Variants in NECTIN1 observed in about 807,000 individuals in gnomAD.
The protein encoded by NECTIN1 is nectin cell adhesion molecule 1.
A neutral mutation model predicts 48.0 loss-of-function variants in NECTIN1; 23 were observed. That is an observed-to-expected ratio of 0.48 (90% CI 0.34 to 0.68). The LOEUF is 0.68. Ranked by LOEUF, NECTIN1 falls within the 30% of genes least tolerant of loss-of-function variation. The pLI, the probability that NECTIN1 is intolerant of heterozygous loss-of-function variation, is 0.01. For missense variants in NECTIN1, 591 were observed against 709.9 expected, an observed-to-expected ratio of 0.83 and a Z score of 1.90; for synonymous variants, 270 against 288.9, an observed-to-expected ratio of 0.93 and a Z score of 0.66.
rs1864427775 is a variant in NECTIN1, at chr11:119,648,265, G to GTGGTGGTGGTGGTGGTGGTGGTGATGC, written c.1004-8254_1004-8253insGCATCACCACCACCACCACCACCACCA. Reference sequence around the variant, plus strand: ...AGTGGTGGTGATAGAGGTGGTAATAGTGGTGGTGGTGATGGTGGTGGTGAT... The same window carrying GTGGTGGTGGTGGTGGTGGTGGTGATGC: ...AGTGGTGGTGATAGAGGTGGTAATAGTGGTGGTGGTGGTGGTGGTGGTGATGCTGGTGGTGGTGATGGTGGTGGTGAT... On this transcript the variant is annotated intron_variant, in intron 5 of 7. Coordinates refer to the NECTIN1 transcript ENST00000341398. Among the ~76,000 whole-genome samples the GTGGTGGTGGTGGTGGTGGTGGTGATGC allele has an allele frequency of 1.0e-4, 3 of 28,764 alleles. 1 individual carries two copies. The East Asian group carries it at 4.3e-3, about 41-fold the overall frequency. The allele number at this position is 28,764 out of a possible 152,430, so 18.9% of individuals were successfully genotyped here.
At position 119,664,271 on chromosome 11, in the gene NECTIN1, T is replaced by A. The variant is rs1050477483; in HGVS notation, c.*476A>T. ...CTGCATCAGATTTCACTGGTGGGTGTTGGGTTCCCTCTAGCCGGGAGGAGG... is the reference window on the plus strand; with the variant it reads ...CTGCATCAGATTTCACTGGTGGGTGATGGGTTCCCTCTAGCCGGGAGGAGG... On this transcript the variant is annotated 3_prime_UTR_variant, in exon 6 of 6. Coordinates refer to ENST00000264025, the MANE Select transcript of NECTIN1 (RefSeq NM_002855.5). 2 of 995,544 alleles carry A rather than the reference T, an allele frequency of 2.0e-6. No individual in the cohort carries two copies. The highest frequency in any genetic ancestry group is 9.0e-5 in the South Asian group (2 of 22,130). The allele number at this position is 995,544 out of a possible 1,614,324, so 61.7% of individuals were successfully genotyped here. A position where few individuals can be genotyped will look rare whatever the true frequency, so the allele number is the denominator to read the frequency against.
intron 1 of NECTIN1, among the ~76,000 whole-genome samples, chr11:119,679,080 A>G (rs1865014737): frequency 6.6e-6 from 1 of 152,204 alleles, no homozygotes; most frequent in Non-Finnish European, 1.5e-5. Flanking sequence ...ATATTATCCC[A>G]TAAGCTGCTT....
chr11:119,670,644 CTTT>C (rs56350355), intron 5 of NECTIN1, among the ~76,000 whole-genome samples: 1 of 113,886 alleles, frequency 8.8e-6, no homozygotes, highest in African/African-American at 3.4e-5. Flanking sequence ...TTCCTAAGTC[CTTT>C]TTTTTTTTTT....
rs113047357 is a variant in NECTIN1 at position 119,672,179 on chromosome 11, T to TGGGATGGGAGTG, written c.1003+2979_1003+2980insCACTCCCATCCC. Among the ~76,000 whole-genome samples, 1,428 of 152,318 alleles carry TGGGATGGGAGTG rather than the reference T, an allele frequency of 9.4e-3. 25 individuals carry two copies. Among genetic ancestry groups the TGGGATGGGAGTG allele is most frequent in the African/African-American group, 0.03 (1,243 of 41,566 alleles). ...GAGTTGGGACAGACGCCCTGCACCCTGGGATGGACATCCTACACCCTGGCA... is the reference window on the plus strand; with the variant it reads ...GAGTTGGGACAGACGCCCTGCACCCTGGGATGGGAGTGGGGATGGACATCCTACACCCTGGCA... On this transcript the variant is annotated intron_variant, in intron 5 of 5. Transcript: ENST00000264025. The surrounding 1 kb of genome is among the most constrained non-coding windows in gnomAD (Gnocchi z 4.3).
intron 5 of NECTIN1, chr11:119,642,089 A>T (rs1229941181): frequency 6.6e-6 from 1 of 152,198 alleles, no homozygotes; most frequent in African/African-American, 2.4e-5. Context: ...CCAGCCCTGC[A>T]CAGTGCCTGG....
rs1334036164 is a variant in NECTIN1 at position 119,643,688 on chromosome 11, T to G, written c.1004-3676A>C. Among the ~76,000 whole-genome samples, 4 of 152,314 alleles carry G rather than the reference T, an allele frequency of 2.6e-5. No individual in the cohort carries two copies. The Middle Eastern group carries it at 0.014, about 518-fold the overall frequency. Reference sequence around the variant, plus strand: ...CTGGCCCCAGCCAGAACCCTGGCATTGAGCCCCCAGACACTCTCTGGTTAC... The same window carrying G: ...CTGGCCCCAGCCAGAACCCTGGCATGGAGCCCCCAGACACTCTCTGGTTAC... On this transcript the variant is annotated intron_variant, in intron 5 of 7. Transcript: ENST00000341398.
intron 5 of NECTIN1, among the ~76,000 whole-genome samples, chr11:119,668,334 C>T (rs113234927): frequency 1.6e-4 from 25 of 152,188 alleles, no homozygotes; most frequent in Admixed American, 3.9e-4. Context: ...TCACCCCACC[C>T]GCAGTCACCA....
intron 5 of NECTIN1, among the ~76,000 whole-genome samples, chr11:119,646,015 G>A (rs1431737907): frequency 2.6e-5 from 4 of 152,186 alleles, no homozygotes; most frequent in East Asian, 1.9e-4. Context: ...TGGGCTCTGC[G>A]CTGGAGCTGC....
chr11:119,644,741 G>A (rs568961939), intron 5 of NECTIN1, among the ~76,000 whole-genome samples: 73 of 152,336 alleles, frequency 4.8e-4, no homozygotes, highest in African/African-American at 1.7e-3. Flanking sequence ...ATTGTAGGCA[G>A]AGTGAGGAGG....
At chr11:119,645,859 G>C (rs1171113323) in intron 5 of NECTIN1, among the ~76,000 whole-genome samples, 1 of 152,190 alleles carries the variant, frequency 6.6e-6, no homozygotes, top group Middle Eastern at 3.2e-3. Flanking sequence ...AGGGTGGTGA[G>C]GGAACCCACC....
chr11:119,727,389 C>T lies in NECTIN1; in HGVS notation c.79+1086G>A, dbSNP rs1865926402. Among the ~76,000 whole-genome samples, 1 of 152,080 alleles carries T rather than the reference C, an allele frequency of 6.6e-6. No homozygotes were observed. Among genetic ancestry groups the T allele is most frequent in the Non-Finnish European group, 1.5e-5 (1 of 68,008 alleles). On this transcript the variant is annotated intron_variant, in intron 1 of 5. Transcript: ENST00000264025. This position sits in a 1 kb window ranked among gnomAD's most constrained non-coding sequence, Gnocchi z 4.1. ...ACCACGTGCTCCAGTCAAGATCCGC[C>T]CCCCTCCCCAAAATCCCATCTTGCT...
At chr11:119,668,646 T>C (rs912017762) in intron 5 of NECTIN1, among the ~76,000 whole-genome samples, 8 of 152,226 alleles carry the variant, frequency 5.3e-5, no homozygotes, top group Admixed American at 5.2e-4. Context: ...GTGATCTTTT[T>C]CTCTTTCGAA....
At chr11:119,687,648 C>T (rs1050671969) in intron 1 of NECTIN1, among the ~76,000 whole-genome samples, 1 of 151,986 alleles carries the variant, frequency 6.6e-6, no homozygotes, top group African/African-American at 2.4e-5. Context: ...GTGGGAGAGG[C>T]GGGGGGCTGC....
At chr11:119,640,324 C>T (rs775402353) in intron 5 of NECTIN1, 7 of 420,322 alleles carry the variant, frequency 1.7e-5, no homozygotes, top group Admixed American at 3.8e-5. Flanking sequence ...GTCCCCACCC[C>T]GTCATTCCAT....
chr11:119,669,607 A>G (rs1864834592), intron 5 of NECTIN1, among the ~76,000 whole-genome samples: 1 of 151,860 alleles, frequency 6.6e-6, no homozygotes, highest in Non-Finnish European at 1.5e-5. Context: ...GAAGTGTAAC[A>G]TATCTGCTCA....
intron 1 of NECTIN1, among the ~76,000 whole-genome samples, chr11:119,697,091 G>A (rs1440394763): frequency 1.3e-5 from 2 of 152,128 alleles, no homozygotes; most frequent in Non-Finnish European, 2.9e-5. Context: ...TCAGGGAAAG[G>A]CCCTCTCACC....
At chr11:119,671,005 C>T (rs901061482) in intron 5 of NECTIN1, among the ~76,000 whole-genome samples, 4 of 151,860 alleles carry the variant, frequency 2.6e-5, no homozygotes, top group South Asian at 2.1e-4. Flanking sequence ...CAAAGAACCC[C>T]GGTTATTTTG....
chr11:119,696,361 G>A (rs1865340273), intron 1 of NECTIN1, among the ~76,000 whole-genome samples: 1 of 152,200 alleles, frequency 6.6e-6, no homozygotes, highest in South Asian at 2.1e-4. Flanking sequence ...CTAGACTTCA[G>A]CATCGAAGAG....
chr11:119,688,312 A>AATC (rs779806588), intron 1 of NECTIN1, among the ~76,000 whole-genome samples: 1 of 152,144 alleles, frequency 6.6e-6, no homozygotes, highest in South Asian at 2.1e-4. Context: ...CCTACCTAGA[A>AATC]ATCACGTGCT....
Sources: gnomAD v4.1 joint callset for allele counts (sites outside exome capture counted in the v4.1 genomes callset) on GRCh38, gnomAD v4.1.1 for gene constraint, Gnocchi (gnomAD v3.1) non-coding constraint, MANE v1.5 for transcripts, NCBI Gene and HGNC (gene_info 2026-07-23, HGNC 2026-07-21) for gene names.